CSMD1: variants seen among roughly 807,000 people sequenced by gnomAD.
The protein encoded by CSMD1 is CUB and sushi domain-containing protein 1.
Under a neutral mutation model 417.5 loss-of-function variants are expected in CSMD1, and 213 were observed. That is an observed-to-expected ratio of 0.51 (90% CI 0.46 to 0.57). The LOEUF (loss-of-function observed/expected upper bound fraction) is 0.57. Among genes scored for constraint, CSMD1 ranks in the 20% least tolerant of loss-of-function variants. The pLI, the probability that CSMD1 is intolerant of heterozygous loss-of-function variation, is 0.00. For missense variants in CSMD1, 6,923 were observed against 4,529.7 expected, an observed-to-expected ratio of 1.53 and a Z score of -15.17; for synonymous variants, 2,862 against 1,736.8, an observed-to-expected ratio of 1.65 and a Z score of -16.11.
intron 3 of CSMD1, among the ~76,000 whole-genome samples, chr8:4,118,093 A>G (rs181296941): frequency 6.6e-6 from 1 of 152,136 alleles, no homozygotes; most frequent in African/African-American, 2.4e-5. Flanking sequence ...ACAAATTATA[A>G]GGCTTGTGTG....
At chr8:4,047,547 C>T (rs1798211693) in intron 3 of CSMD1, among the ~76,000 whole-genome samples, 1 of 109,146 alleles carries the variant, frequency 9.2e-6, no homozygotes, top group African/African-American at 3.0e-5. Context: ...ATTCATTCCA[C>T]AAATATTTAT....
intron 3 of CSMD1, among the ~76,000 whole-genome samples, chr8:4,274,649 C>T (rs1030024904): frequency 1.3e-5 from 2 of 151,986 alleles, no homozygotes; most frequent in African/African-American, 4.8e-5. Context: ...TATAGGTCTC[C>T]ATTAAATTTA....
chr8:3,340,795 A>T (rs769327593), intron 23 of CSMD1, among the ~76,000 whole-genome samples: 17 of 152,158 alleles, frequency 1.1e-4, no homozygotes, highest in Non-Finnish European at 2.2e-4. Flanking sequence ...ATATCTTCCC[A>T]CCAGACAGTA....
In CSMD1 at chr8:4,364,596, G is replaced by A. The variant is rs528520502; in HGVS notation, c.415+55357C>T. The stretch of plus-strand genomic sequence containing the variant: ...TCCCAGCACTTTGGGAGGCCGAGGC[G>A]GGCGGATCACGAGGTCAGGAGATCG... On this transcript the variant is annotated intron_variant, in intron 3 of 69. Coordinates refer to ENST00000635120, the MANE Select transcript of CSMD1 (RefSeq NM_033225.6). Among the ~76,000 whole-genome samples the A allele has an allele frequency of 4.9e-4, 37 of 75,484 alleles. 16 individuals are homozygous for A. Among genetic ancestry groups the A allele is most frequent in the East Asian group, 1.1e-3 (3 of 2,686 alleles). 49.5% of individuals were successfully genotyped at this position (75,484 alleles called of 152,430 possible). A position where few individuals can be genotyped will look rare whatever the true frequency, so the allele number is the denominator to read the frequency against.
chr8:4,653,206 G>C (rs949368139), intron 1 of CSMD1, among the ~76,000 whole-genome samples: 2 of 152,058 alleles, frequency 1.3e-5, no homozygotes, highest in Non-Finnish European at 2.9e-5. Context: ...GGCAATTTTA[G>C]AGATAAAGCA....
chr8:4,800,923 G>A (rs995651760), intron 1 of CSMD1, among the ~76,000 whole-genome samples: 4 of 152,116 alleles, frequency 2.6e-5, no homozygotes, highest in African/African-American at 7.2e-5. Flanking sequence ...CTGTAATATC[G>A]GAAATAAATC....
chr8:3,737,693 C>G (rs1363047720), intron 6 of CSMD1, among the ~76,000 whole-genome samples: 1 of 152,152 alleles, frequency 6.6e-6, no homozygotes, highest in Non-Finnish European at 1.5e-5. Context: ...AATTTCTTGT[C>G]TTCACGTTTC....
intron 11 of CSMD1, among the ~76,000 whole-genome samples, chr8:3,475,795 G>A (rs1284894418): frequency 6.6e-6 from 1 of 152,204 alleles, no homozygotes; most frequent in African/African-American, 2.4e-5. Context: ...ATGTGATTAT[G>A]TATTTGTTCC....
intron 1 of CSMD1, among the ~76,000 whole-genome samples, chr8:4,753,993 AAT>A: frequency 6.6e-6 from 1 of 152,348 alleles, no homozygotes; most frequent in East Asian, 1.9e-4. Context: ...GAAGAGTAAA[AAT>A]AGTCTGCCCA....
chr8:3,248,330 C>A (rs957176317), intron 26 of CSMD1, among the ~76,000 whole-genome samples: 1 of 151,982 alleles, frequency 6.6e-6, no homozygotes, highest in Non-Finnish European at 1.5e-5. Flanking sequence ...TAGTGATGAA[C>A]AGCACCCATG....
intron 9 of CSMD1, among the ~76,000 whole-genome samples, chr8:3,580,300 A>C (rs1255346570): frequency 6.6e-6 from 1 of 152,100 alleles, no homozygotes; most frequent in Non-Finnish European, 1.5e-5. Context: ...TTGTAAAGTG[A>C]GGGAAAAGGC....
At position 3,949,109 on chromosome 8, in the gene CSMD1, C is replaced by T. The variant is rs550637660; in HGVS notation, c.818+48794G>A. Among the ~76,000 whole-genome samples, 53 of 151,948 alleles carry T rather than the reference C, an allele frequency of 3.5e-4. No homozygotes were observed. In the East Asian group the frequency reaches 5.4e-3, roughly 16 times the overall value. On this transcript the variant is annotated intron_variant, in intron 5 of 69. Coordinates refer to ENST00000635120, the MANE Select transcript of CSMD1 (RefSeq NM_033225.6). ...ACAAATTATACCTATTTATGATGTGCGATATAATATTTTAAAATATGGATG... is the reference window on the plus strand; with the variant it reads ...ACAAATTATACCTATTTATGATGTGTGATATAATATTTTAAAATATGGATG...
At chr8:4,147,696 C>G (rs1012484852) in intron 3 of CSMD1, among the ~76,000 whole-genome samples, 1 of 152,132 alleles carries the variant, frequency 6.6e-6, no homozygotes, top group Non-Finnish European at 1.5e-5. Context: ...TCTGACATCA[C>G]CATGGTCAGG....
chr8:4,962,224 T>C (rs1359776945), intron 1 of CSMD1, among the ~76,000 whole-genome samples: 1 of 89,424 alleles, frequency 1.1e-5, no homozygotes, highest in East Asian at 5.1e-4. Flanking sequence ...AACAAATATT[T>C]GTTGGAGACA....
At chr8:3,423,421 C>T (rs1813621765) in intron 12 of CSMD1, among the ~76,000 whole-genome samples, 1 of 152,214 alleles carries the variant, frequency 6.6e-6, no homozygotes, top group Non-Finnish European at 1.5e-5. Context: ...TAAATGGAAT[C>T]ATAGGGTACA....
intron 10 of CSMD1, among the ~76,000 whole-genome samples, chr8:3,573,696 A>G (rs1378041599): frequency 6.6e-6 from 1 of 152,208 alleles, no homozygotes; most frequent in Non-Finnish European, 1.5e-5. Flanking sequence ...AGAGGAAACT[A>G]TATAAATAAG....
chr8:4,012,600 G>C lies in CSMD1; in HGVS notation c.611-14490C>G, dbSNP rs554019514. On this transcript the variant is annotated intron_variant, in intron 4 of 69. Coordinates refer to ENST00000635120, the MANE Select transcript of CSMD1 (RefSeq NM_033225.6). ...TCCTTCCTCCCCTCAGTAGGCCTCA[G>C]TGACTATGTCATCTGTATGTCTACA... is the stretch of plus-strand genomic sequence containing the variant. Among the ~76,000 whole-genome samples the C allele has an allele frequency of 3.9e-5, 6 of 152,130 alleles. No individual in the cohort carries two copies. The East Asian group carries it at 1.2e-3, about 29-fold the overall frequency.
Position 3,853,872 on chromosome 8 carries a change from T to A in CSMD1, c.819-99830A>T, listed in dbSNP as rs1042239964. Among the ~76,000 whole-genome samples the A allele has an allele frequency of 2.5e-4, 37 of 147,220 alleles. 1 individual carries two copies. The highest frequency in any genetic ancestry group is 5.2e-4 in the Non-Finnish European group (35 of 67,122). ...TACCCTAAAACTTAATATATTATAC[T>A]TTAATATATTAATATATTATACTTT... On this transcript the variant is annotated intron_variant, in intron 5 of 69. Coordinates refer to ENST00000635120, the MANE Select transcript of CSMD1 (RefSeq NM_033225.6).
intron 3 of CSMD1, among the ~76,000 whole-genome samples, chr8:4,212,487 G>A (rs1005898088): frequency 6.6e-6 from 1 of 151,946 alleles, no homozygotes; most frequent in African/African-American, 2.4e-5. Flanking sequence ...CTGGCAGATG[G>A]AAGCGATCCT....
Sources: allele counts gnomAD v4.1 joint callset (sites outside exome capture counted in the v4.1 genomes callset), GRCh38; gene constraint gnomAD v4.1.1; transcripts MANE v1.5; gene names NCBI Gene and HGNC (gene_info 2026-07-23, HGNC 2026-07-21).